FRMD5: variants seen among roughly 807,000 people sequenced by gnomAD.
FRMD5 encodes FERM domain-containing protein 5.
In FRMD5, 20 loss-of-function variants were observed where a neutral mutation model predicts 69.0. The ratio of observed to expected loss-of-function variants is 0.29; its 90% CI spans 0.20 to 0.42. The LOEUF (loss-of-function observed/expected upper bound fraction) is 0.42. Ranked by LOEUF, FRMD5 falls within the 10% of genes least tolerant of loss-of-function variation. FRMD5 has a pLI of 1.00. For missense variants in FRMD5, 595 were observed against 708.6 expected (o/e 0.84, Z 1.82); for synonymous variants, 271 against 260.1 (o/e 1.04, Z -0.40).
chr15:44,106,809 T>C (rs1191459882), intron 1 of FRMD5, among the ~76,000 whole-genome samples: 1 of 152,232 alleles, frequency 6.6e-6, no homozygotes, highest in Admixed American at 6.5e-5. Context: ...ACAAAGCTGC[T>C]TAATAAATGT....
intron 1 of FRMD5, among the ~76,000 whole-genome samples, chr15:44,024,755 T>C (rs1214518523): frequency 6.6e-6 from 1 of 152,196 alleles, no homozygotes; most frequent in Non-Finnish European, 1.5e-5. Context: ...TATCTTTGTT[T>C]ATAGTAAGCA....
chr15:44,072,204 A>G (rs1040747189), intron 1 of FRMD5, among the ~76,000 whole-genome samples: 6 of 152,184 alleles, frequency 3.9e-5, no homozygotes, highest in Admixed American at 1.3e-4. Context: ...AAGGGTTCTG[A>G]TTGTACAAAC....
intron 13 of FRMD5, among the ~76,000 whole-genome samples, chr15:43,883,254 C>T (rs1440082284): frequency 5.3e-5 from 8 of 152,038 alleles, no homozygotes; most frequent in Non-Finnish European, 1.0e-4. Flanking sequence ...TGTGCCACCA[C>T]GCCCAGCTAG....
chr15:44,167,143 C>A (rs918197273), intron 1 of FRMD5, among the ~76,000 whole-genome samples: 1 of 152,070 alleles, frequency 6.6e-6, no homozygotes, highest in Non-Finnish European at 1.5e-5. Flanking sequence ...ATTGGCTGCC[C>A]AGAGCGCTGG....
At chr15:44,053,429 T>C (rs184524334) in intron 1 of FRMD5, among the ~76,000 whole-genome samples, 10 of 152,218 alleles carry the variant, frequency 6.6e-5, no homozygotes, top group Non-Finnish European at 1.3e-4. Context: ...GGAGAATGAA[T>C]ATGAGTGGGT....
At chr15:44,191,003 A>G (rs149979133) in intron 1 of FRMD5, among the ~76,000 whole-genome samples, 170 of 152,336 alleles carry the variant, frequency 1.1e-3, no homozygotes, top group African/African-American at 3.9e-3. Flanking sequence ...TTGAGCCACA[A>G]TCAAATCCAA....
intron 1 of FRMD5, chr15:44,063,642 C>G (rs1417754188): frequency 8.4e-6 from 4 of 476,432 alleles, no homozygotes; most frequent in Non-Finnish European, 1.6e-5. Context: ...ACTACATGGT[C>G]TACATGTTCT....
At chr15:43,946,301 G>A (rs936516618) in intron 1 of FRMD5, among the ~76,000 whole-genome samples, 11 of 152,174 alleles carry the variant, frequency 7.2e-5, no homozygotes, top group East Asian at 1.9e-4. Flanking sequence ...ATGTGTGTGC[G>A]TGTATAGCAT....
intron 1 of FRMD5, among the ~76,000 whole-genome samples, chr15:44,028,913 TCTCAGGATAAAGGC>T (rs1442500994): frequency 2.0e-5 from 3 of 152,208 alleles, no homozygotes; most frequent in Non-Finnish European, 4.4e-5. Flanking sequence ...TCTCTCCTGG[TCTCAGGATAAAGGC>T]TGTAAAGACA....
chr15:44,182,089 C>A (rs1203991089), intron 1 of FRMD5, among the ~76,000 whole-genome samples: 1 of 151,506 alleles, frequency 6.6e-6, no homozygotes, highest in Non-Finnish European at 1.5e-5. Context: ...CGGCTCACTG[C>A]AACCTCCATC....
At chr15:43,954,210 C>G (rs754885172) in intron 1 of FRMD5, among the ~76,000 whole-genome samples, 27 of 152,200 alleles carry the variant, frequency 1.8e-4, no homozygotes, top group Admixed American at 2.6e-4. Flanking sequence ...GGGGCTGGCA[C>G]AGAACTGCAC....
chr15:44,012,747 T>C (rs1392510536), intron 1 of FRMD5, among the ~76,000 whole-genome samples: 1 of 150,400 alleles, frequency 6.6e-6, no homozygotes, highest in African/African-American at 2.4e-5. Flanking sequence ...TATTGGTTAC[T>C]GGCAAGTTAT....
chr15:44,039,858 G>A (rs976883082), intron 1 of FRMD5, among the ~76,000 whole-genome samples: 3 of 151,930 alleles, frequency 2.0e-5, no homozygotes, highest in East Asian at 1.9e-4. Flanking sequence ...TTCAGAAGGC[G>A]GGTAATAACA....
chr15:43,960,180 T>C (rs2090175139), intron 1 of FRMD5, among the ~76,000 whole-genome samples: 1 of 151,834 alleles, frequency 6.6e-6, no homozygotes, highest in Non-Finnish European at 1.5e-5. Flanking sequence ...ACTCCGCCTC[T>C]AGGGTTCATG....
At chr15:44,054,846 C>T (rs1431572747) in intron 1 of FRMD5, among the ~76,000 whole-genome samples, 2 of 151,784 alleles carry the variant, frequency 1.3e-5, no homozygotes, top group African/African-American at 2.4e-5. Flanking sequence ...CCGAGGCGGG[C>T]ACATCACGAG....
intron 1 of FRMD5, among the ~76,000 whole-genome samples, chr15:44,011,677 G>C (rs1267022497): frequency 6.6e-6 from 1 of 152,176 alleles, no homozygotes; most frequent in Non-Finnish European, 1.5e-5. Flanking sequence ...GAGGAGGAAA[G>C]AGAAGGGTAA....
chr15:44,020,741 TTTC>T (rs1891176323), intron 1 of FRMD5, among the ~76,000 whole-genome samples: 1 of 152,248 alleles, frequency 6.6e-6, no homozygotes, highest in South Asian at 2.1e-4. Context: ...TCTTCATCAC[TTTC>T]TTGAGTCTAG....
At chr15:44,093,300 G>A (rs546484724) in intron 1 of FRMD5, among the ~76,000 whole-genome samples, 10 of 151,970 alleles carry the variant, frequency 6.6e-5, no homozygotes, top group Non-Finnish European at 1.5e-4. Context: ...AGTATTTTTA[G>A]GAATGTACAT....
chr15:43,944,818 C>T (rs1280833513), intron 1 of FRMD5, among the ~76,000 whole-genome samples: 1 of 152,192 alleles, frequency 6.6e-6, no homozygotes, highest in Admixed American at 6.5e-5. Flanking sequence ...AGGATTTATG[C>T]ACAGAATTTG....
Sources: gnomAD v4.1 joint callset for allele counts (sites outside exome capture counted in the v4.1 genomes callset) on GRCh38, gnomAD v4.1.1 for gene constraint, MANE v1.5 for transcripts, NCBI Gene and HGNC (gene_info 2026-07-23, HGNC 2026-07-21) for gene names.